Variants in MTA3 observed in about 807,000 individuals in gnomAD.
MTA3 encodes the protein metastasis-associated protein MTA3.
Under a neutral mutation model 83.5 loss-of-function variants are expected in MTA3, and 34 were observed. The observed-to-expected ratio is 0.41, with a 90% CI of 0.31 to 0.54. The LOEUF (loss-of-function observed/expected upper bound fraction) is 0.54. Ranked by LOEUF, MTA3 falls within the 20% of genes least tolerant of loss-of-function variation. The pLI is 0.33. For synonymous variants in MTA3, 303 were observed against 252.7 expected, an observed-to-expected ratio of 1.20 and a Z score of -1.89; for missense variants, 761 against 726.4, an observed-to-expected ratio of 1.05 and a Z score of -0.55.
intron 2 of MTA3, among the ~76,000 whole-genome samples, chr2:42,541,956 A>T (rs6733117): frequency 0.01 from 1,586 of 152,264 alleles, 25 homozygotes; most frequent in African/African-American, 0.036. Context: ...TGGGCCCAAA[A>T]ACCAGCCTCA....
intron 3 of MTA3, among the ~76,000 whole-genome samples, chr2:42,607,006 C>A (rs1488022132): frequency 7.0e-6 from 1 of 143,066 alleles, no homozygotes. Context: ...TGCAGTGAGC[C>A]GAGATGGCAG....
chr2:42,525,170 G>A (rs1354696554), intron 2 of MTA3, among the ~76,000 whole-genome samples: 1 of 148,192 alleles, frequency 6.7e-6, no homozygotes, highest in Non-Finnish European at 1.5e-5. Flanking sequence ...TTGTTTTTCA[G>A]CACTTCAATT....
Position 42,568,775 on chromosome 2 carries a change from T to G in MTA3, c.28+2T>G, listed in dbSNP as rs1678100803. ...CGGCCAACATGTACCGGGTCGGAGG[T>G]AGGCAGGCTCGGCCCGACCCGGCCC... On this transcript the variant is annotated splice_donor_variant, in intron 1 of 16. Transcript: ENST00000405094. LOFTEE classifies it high-confidence loss of function. 1 of 1,215,810 alleles carries G rather than the reference T, an allele frequency of 8.2e-7. No individual in the cohort carries two copies. The highest frequency in any genetic ancestry group is 1.0e-6 in the Non-Finnish European group (1 of 978,282). The allele number at this position is 1,215,810 out of a possible 1,614,324, so 75.3% of individuals were successfully genotyped here. A position where few individuals can be genotyped will look rare whatever the true frequency, so the allele number is the denominator to read the frequency against.
intron 8 of MTA3, among the ~76,000 whole-genome samples, chr2:42,681,251 A>G (rs886596221): frequency 6.6e-6 from 1 of 152,336 alleles, no homozygotes; most frequent in African/African-American, 2.4e-5. Flanking sequence ...GTCTTCTACA[A>G]TCTCAACCAA....
intron 8 of MTA3, among the ~76,000 whole-genome samples, chr2:42,663,180 G>A (rs1044544814): frequency 2.3e-4 from 35 of 152,226 alleles, no homozygotes; most frequent in African/African-American, 8.2e-4. Context: ...TTATAACTGG[G>A]GATGTGGTCC....
intron 2 of MTA3, among the ~76,000 whole-genome samples, chr2:42,504,744 A>G (rs1358815221): frequency 1.4e-5 from 2 of 141,942 alleles, no homozygotes; most frequent in African/African-American, 5.3e-5. Flanking sequence ...CAGTTCTCCC[A>G]CCTCATCTTC....
At chr2:42,558,834 C>T (rs1213871219) in intron 2 of MTA3, among the ~76,000 whole-genome samples, 3 of 151,868 alleles carry the variant, frequency 2.0e-5, no homozygotes, top group South Asian at 4.1e-4. Context: ...GGATTACAGG[C>T]GTGAGCCACC....
chr2:42,515,981 C>T (rs1052089470), intron 2 of MTA3, among the ~76,000 whole-genome samples: 1 of 151,862 alleles, frequency 6.6e-6, no homozygotes, highest in Non-Finnish European at 1.5e-5. Flanking sequence ...GCTTGGACTA[C>T]AGGCGCCTGC....
At chr2:42,630,080 A>G (rs1358477326) in intron 4 of MTA3, among the ~76,000 whole-genome samples, 1 of 152,148 alleles carries the variant, frequency 6.6e-6, no homozygotes, top group East Asian at 1.9e-4. Context: ...CCGGCAAAAA[A>G]CAATTTAAGC....
At chr2:42,596,469 T>C (rs1043246188) in intron 3 of MTA3, among the ~76,000 whole-genome samples, 1 of 152,236 alleles carries the variant, frequency 6.6e-6, no homozygotes. Context: ...AATTGGCAGT[T>C]ATGGCAAGTT....
chr2:42,603,128 T>C (rs1293323603), intron 3 of MTA3, among the ~76,000 whole-genome samples: 1 of 144,422 alleles, frequency 6.9e-6, no homozygotes, highest in Admixed American at 7.1e-5. Context: ...TTTTTTTTGC[T>C]GGGGGTAGGG....
chr2:42,649,853 C>G (rs1474928226), intron 6 of MTA3, among the ~76,000 whole-genome samples: 4 of 152,132 alleles, frequency 2.6e-5, no homozygotes, highest in African/African-American at 9.7e-5. Context: ...AAAAAGGGAC[C>G]TACAGCTCAG....
intron 2 of MTA3, among the ~76,000 whole-genome samples, chr2:42,574,791 CT>C (rs1678868609): frequency 6.6e-6 from 1 of 152,110 alleles, no homozygotes; most frequent in South Asian, 2.1e-4. Flanking sequence ...AACTCCTGGC[CT>C]CAAGCAGTCC....
In MTA3 at chr2:42,709,141, C is replaced by T. The variant is rs560425405; in HGVS notation, c.1525+45C>T. On this transcript the variant is annotated intron_variant, in intron 14 of 16. Transcript: ENST00000405094. ...TTAACCTTATATGTTGTGCTTCTGA[C>T]CATTTTCTCTTTTCCTCTCTTTCCT... The T allele has an allele frequency of 5.2e-6, 8 of 1,526,170 alleles. No individual in the cohort carries two copies. In the South Asian group the frequency reaches 8.8e-5, roughly 17 times the overall value. 94.5% of individuals were successfully genotyped at this position (1,526,170 alleles called of 1,614,324 possible).
intron 2 of MTA3, among the ~76,000 whole-genome samples, chr2:42,522,092 A>G (rs1675455811): frequency 2.0e-5 from 3 of 152,156 alleles, no homozygotes; most frequent in Non-Finnish European, 4.4e-5. Context: ...CAAGCTGTAC[A>G]AGTCCAAGTC....
intron 3 of MTA3, among the ~76,000 whole-genome samples, chr2:42,599,859 C>T (rs1033778888): frequency 1.3e-5 from 2 of 152,046 alleles, no homozygotes; most frequent in Non-Finnish European, 2.9e-5. Flanking sequence ...ACTCTGTTCT[C>T]TATACAGTTA....
At position 42,753,718 on chromosome 2, in the gene MTA3, C is replaced by G. The variant is rs1470094961; in HGVS notation, c.*319C>G. Reference sequence around the variant, plus strand: ...CTGCAGCGCCCTGCGCCCCACCCAGCAACAGCGGCCACTTGGCAGTGGGGC... The same window carrying G: ...CTGCAGCGCCCTGCGCCCCACCCAGGAACAGCGGCCACTTGGCAGTGGGGC... On this transcript the variant is annotated 3_prime_UTR_variant, in exon 17 of 17. Transcript: ENST00000405094. 1.7e-6 allele frequency: 2 copies of G among 1,181,976 alleles called. No individual in the cohort carries two copies. The highest frequency in any genetic ancestry group is 8.6e-5 in the Admixed American group (2 of 23,368). The allele number at this position is 1,181,976 out of a possible 1,614,324, so 73.2% of individuals were successfully genotyped here.
intron 16 of MTA3, among the ~76,000 whole-genome samples, chr2:42,738,972 G>A (rs894125093): frequency 2.0e-5 from 3 of 152,160 alleles, no homozygotes; most frequent in South Asian, 2.1e-4. Flanking sequence ...AATGGTGCCC[G>A]AAACTTCATT....
intron 2 of MTA3, among the ~76,000 whole-genome samples, chr2:42,507,791 C>T (rs931957816): frequency 1.3e-5 from 2 of 151,562 alleles, no homozygotes; most frequent in Non-Finnish European, 2.9e-5. Flanking sequence ...ATTAGCCAAG[C>T]ACGGGGGCGC....
Sources: allele counts gnomAD v4.1 joint callset (sites outside exome capture counted in the v4.1 genomes callset), GRCh38; gene constraint gnomAD v4.1.1; transcripts MANE v1.5; gene names NCBI Gene and HGNC (gene_info 2026-07-23, HGNC 2026-07-21).